The following MGARP variants were observed in gnomAD, a reference collection of about 807,000 sequenced individuals.
MGARP encodes mitochondria localized glutamic acid rich protein, also known as protein MGARP.
A neutral mutation model predicts 11.0 loss-of-function variants in MGARP; 12 were observed. The ratio of observed to expected loss-of-function variants is 1.09; its 90% confidence interval spans 0.70 to 1.77. The LOEUF (loss-of-function observed/expected upper bound fraction) is 1.77, where lower values mean the gene tolerates loss of function less well. Ranked by LOEUF, MGARP falls within the 40% of genes most tolerant of loss-of-function variation. The pLI is 0.00. For synonymous variants in MGARP, 110 were observed against 115.4 expected, an observed-to-expected ratio of 0.95 and a Z score of 0.30; for missense variants, 283 against 297.8, an observed-to-expected ratio of 0.95 and a Z score of 0.36.
At chr4:139,279,152 G>A (rs116120125) in intron 1 of MGARP, among the ~76,000 whole-genome samples, 326 of 152,306 alleles carry the variant, frequency 2.1e-3, no homozygotes, top group African/African-American at 7.5e-3. Context: ...GGTGACGGAT[G>A]GGGACTAGGG....
chr4:139,266,983 A>G lies in MGARP; in HGVS notation c.339T>C (p.Leu113=), dbSNP rs1165300844. The G allele has an allele frequency of 6.2e-7, 1 of 1,614,112 alleles. No homozygotes were observed. Among genetic ancestry groups the G allele is most frequent in the East Asian group, 2.2e-5 (1 of 44,876 alleles). Residue 113 remains leucine, a synonymous_variant, in exon 4 of 4, where the codon CTT becomes CTC. Transcript: ENST00000398955. The stretch of plus-strand genomic sequence containing the variant: ...CATCTACCACCTCAGCTTCCACTAT[A>G]AGTTCTTCTGGGGCTTCTGAACTTG... ...EKASSEAPEE[L]IVEAEVVDAE...
intron 1 of MGARP, 88 bp from the exon 2 acceptor site, chr4:139,275,480 A>G (rs1340018887): frequency 2.1e-6 from 2 of 973,500 alleles, no homozygotes; most frequent in Non-Finnish European, 3.2e-6. Context: ...TTTTCTACTC[A>G]GTGAACCTAG....
At chr4:139,269,250 G>A (rs569096100) in intron 2 of MGARP, among the ~76,000 whole-genome samples, 133 of 152,120 alleles carry the variant, frequency 8.7e-4, no homozygotes, top group African/African-American at 2.9e-3. Flanking sequence ...ATATTTTCTA[G>A]CATTTATCCT....
At chr4:139,279,888 A>G (rs1012555686) in intron 1 of MGARP, among the ~76,000 whole-genome samples, 189 bp downstream of exon 1, 3 of 152,128 alleles carry the variant, frequency 2.0e-5, no homozygotes, top group African/African-American at 7.2e-5. Flanking sequence ...AAAGTTCCCT[A>G]CTTCCAAAGT....
intron 2 of MGARP, among the ~76,000 whole-genome samples, chr4:139,271,707 A>C (rs1250511405): frequency 1.3e-5 from 2 of 152,210 alleles, no homozygotes; most frequent in Non-Finnish European, 2.9e-5. Context: ...ACAAGTATAC[A>C]GGTTTTGGAG....
At position 139,268,915 on chromosome 4, in the gene MGARP, C is replaced by G. The variant is rs954966632; in HGVS notation, c.187-150G>C. 9.5e-6 allele frequency: 5 copies of G among 527,580 alleles called. No homozygotes were observed. In the Admixed American group the frequency reaches 1.5e-4, roughly 15 times the overall value. 32.7% of individuals were successfully genotyped at this position (527,580 alleles called of 1,614,324 possible). On this transcript the variant is annotated intron_variant, in intron 2 of 3. Transcript: ENST00000398955. ...AAAGAAGAGAAATCAGTGCACACCA[C>G]TTACTCTTTTACTTCCCTTTTGGAA...
chr4:139,274,185 C>T (rs911449039), intron 2 of MGARP, among the ~76,000 whole-genome samples: 4 of 151,998 alleles, frequency 2.6e-5, no homozygotes, highest in African/African-American at 4.8e-5. Context: ...GGTGATGAAA[C>T]GACTCTGTAT....
chr4:139,267,287 A>AT (rs1326543198), intron 3 of MGARP, among the ~76,000 whole-genome samples: 2 of 151,152 alleles, frequency 1.3e-5, no homozygotes, highest in African/African-American at 4.9e-5. Flanking sequence ...ATTTGCAAAA[A>AT]CTCTCCAGGA....
At chr4:139,271,048 A>G (rs1003816483) in intron 2 of MGARP, among the ~76,000 whole-genome samples, 2 of 152,246 alleles carry the variant, frequency 1.3e-5, no homozygotes, top group Non-Finnish European at 2.9e-5. Flanking sequence ...TGTGTGGCCC[A>G]AAGAATCTAG....
At chr4:139,274,746 G>C (rs1744841769) in intron 2 of MGARP, among the ~76,000 whole-genome samples, 1 of 152,130 alleles carries the variant, frequency 6.6e-6, no homozygotes, top group Admixed American at 6.5e-5. Flanking sequence ...GCCTCCCAAA[G>C]TGCTGGGATT....
At chr4:139,267,923 G>A (rs1200742864) in intron 3 of MGARP, among the ~76,000 whole-genome samples, 3 of 152,174 alleles carry the variant, frequency 2.0e-5, no homozygotes, top group Non-Finnish European at 4.4e-5. Context: ...AGACCAGCCT[G>A]GGCAACATAG....
chr4:139,274,834 A>G (rs997154330), intron 2 of MGARP, among the ~76,000 whole-genome samples: 2 of 152,226 alleles, frequency 1.3e-5, no homozygotes, highest in African/African-American at 2.4e-5. Flanking sequence ...TAAAATGTTA[A>G]TAATAGTGCC....
Position 139,266,830 on chromosome 4 carries a change from C to G in MGARP, c.492G>C (p.Ala164=). Reference sequence around the variant, plus strand: ...GGTTTACTTCCGTGGTTTCCCTCGCCGCTGCATCTGTGACCTCTGGCCCGG... The same window carrying G: ...GGTTTACTTCCGTGGTTTCCCTCGCGGCTGCATCTGTGACCTCTGGCCCGG... ...AETGPEVTDA[A]ARETTEVNPE... is the part of the protein sequence containing the mutation. The change falls in exon 4 of 4, where the codon GCG becomes GCC. Residue 164 remains alanine (A), a synonymous_variant. Transcript: ENST00000398955. 4 of 1,613,712 alleles carry G rather than the reference C, an allele frequency of 2.5e-6. No individual in the cohort carries two copies. Among genetic ancestry groups the G allele is most frequent in the Non-Finnish European group, 3.4e-6 (4 of 1,180,044 alleles).
intron 2 of MGARP, among the ~76,000 whole-genome samples, chr4:139,272,400 C>T (rs1560931835): frequency 6.7e-6 from 1 of 149,692 alleles, no homozygotes; most frequent in African/African-American, 2.5e-5. Flanking sequence ...ACTAAAAATA[C>T]AAAAAAAAAT....
intron 1 of MGARP, among the ~76,000 whole-genome samples, chr4:139,276,812 G>A (rs1290203793): frequency 6.6e-6 from 1 of 152,016 alleles, no homozygotes; most frequent in Admixed American, 6.6e-5. Flanking sequence ...TCTCCAGCCT[G>A]GGCAACAGAG....
intron 2 of MGARP, among the ~76,000 whole-genome samples, chr4:139,270,601 C>T (rs1293845592): frequency 8.7e-5 from 11 of 127,092 alleles, no homozygotes; most frequent in African/African-American, 2.2e-4. Flanking sequence ...AGAGCGAGAC[C>T]GCGTCTGAAA....
In MGARP at chr4:139,266,870, G is replaced by C; in HGVS notation, c.452C>G (p.Ala151Gly). 1 of 1,614,200 alleles carries C rather than the reference G, an allele frequency of 6.2e-7. No individual in the cohort carries two copies. The highest frequency in any genetic ancestry group is 8.5e-7 in the Non-Finnish European group (1 of 1,180,036). Residue 151 changes from alanine to glycine, a missense_variant, in exon 4 of 4, where the codon GCA (alanine) becomes GGA (glycine). Coordinates refer to ENST00000398955, the MANE Select transcript of MGARP (RefSeq NM_032623.4). ...CTCTGGCCCGGTTTCAGCACTGACT[G>C]CTGTGGTCTCCGGAGCAGCCTCCAC... ...GHVEAAPETTAVSAETGPEVT... is the reference protein window; with the variant it reads ...GHVEAAPETTGVSAETGPEVT...
chr4:139,269,805 A>C (rs1339258219), intron 2 of MGARP, among the ~76,000 whole-genome samples: 1 of 152,086 alleles, frequency 6.6e-6, no homozygotes, highest in Non-Finnish European at 1.5e-5. Flanking sequence ...TTCAGTTACT[A>C]TTGTTTGTAT....
At chr4:139,272,053 C>A (rs1241931976) in intron 2 of MGARP, among the ~76,000 whole-genome samples, 1 of 142,986 alleles carries the variant, frequency 7.0e-6, no homozygotes, top group Non-Finnish European at 1.6e-5. Flanking sequence ...TAGTCTCAAT[C>A]TCTGTTTTTT....
Sources: gnomAD v4.1 joint callset for allele counts (sites outside exome capture counted in the v4.1 genomes callset) on GRCh38, gnomAD v4.1.1 for gene constraint, MANE v1.5 for transcripts, NCBI Gene and HGNC (gene_info 2026-07-23, HGNC 2026-07-21) for gene names.